The following OSGIN1 variants were observed in gnomAD, a reference collection of about 807,000 sequenced individuals.
The protein encoded by OSGIN1 is oxidative stress induced growth inhibitor 1.
OSGIN1 carries 19 observed loss-of-function variants against 20.1 expected under a neutral mutation model. The observed-to-expected ratio is 0.95, with a 90% CI of 0.66 to 1.39. OSGIN1 has a LOEUF of 1.39. OSGIN1 is among the 40% of genes most tolerant of loss of function. OSGIN1 has a pLI of 0.00. For missense variants in OSGIN1, 820 were observed against 653.0 expected, an observed-to-expected ratio of 1.26 and a Z score of -2.79; for synonymous variants, 368 against 297.8, an observed-to-expected ratio of 1.24 and a Z score of -2.43.
At chr16:83,960,257 A>T (rs896532196) in intron 3 of OSGIN1, among the ~76,000 whole-genome samples, 7 of 152,340 alleles carry the variant, frequency 4.6e-5, no homozygotes, top group African/African-American at 1.7e-4. Context: ...CGTCTGTGTT[A>T]TCTGCTGTTA....
chr16:83,959,909 A>G (rs545019632), intron 3 of OSGIN1, among the ~76,000 whole-genome samples: 2 of 152,288 alleles, frequency 1.3e-5, no homozygotes, highest in East Asian at 1.9e-4. Context: ...CAGATATTTC[A>G]GTCCCACTAC....
chr16:83,957,806 C>A, intron 2 of OSGIN1, 68 bp downstream of exon 2: 1 of 817,558 alleles, frequency 1.2e-6, no homozygotes, highest in South Asian at 1.7e-5. Flanking sequence ...GGTCTGAGGG[C>A]AGGAGCTGGG....
intron 1 of OSGIN1, chr16:83,954,360 C>A (rs1033436903): frequency 6.6e-6 from 1 of 152,216 alleles, no homozygotes; most frequent in African/African-American, 2.4e-5. Flanking sequence ...GTTTTCATTT[C>A]TTTTATCCTG....
At chr16:83,954,589 G>C (rs75742959) in intron 1 of OSGIN1, 6,124 of 162,350 alleles carry the variant, frequency 0.038, 324 homozygotes, top group African/African-American at 0.12. Context: ...ACAGCGTCAA[G>C]CTGCTTCGGA....
At chr16:83,956,247 G>T (rs1047415463) in intron 1 of OSGIN1, among the ~76,000 whole-genome samples, 1 of 152,330 alleles carries the variant, frequency 6.6e-6, no homozygotes, top group South Asian at 2.1e-4. Context: ...GTGGACGAAG[G>T]TGTTTCTGTC....
chr16:83,962,157 C>T (rs894492382), intron 5 of OSGIN1, among the ~76,000 whole-genome samples: 1 of 152,088 alleles, frequency 6.6e-6, no homozygotes, highest in Admixed American at 6.5e-5. Context: ...GCTTCCTGCC[C>T]CATCATGGCC....
At position 83,953,377 on chromosome 16, in the gene OSGIN1, G is replaced by T; in HGVS notation, c.-33+7G>T. ...CTGCACCACTGCCTGTCAGGTGAGT[G>T]TCCGGGGCCAGGTTCCGGGGCAGGG... is the stretch of plus-strand genomic sequence containing the variant. On this transcript the variant is annotated splice_region_variant and intron_variant, in intron 1 of 5. Transcript: ENST00000393306. The T allele has an allele frequency of 7.8e-7, 1 of 1,288,640 alleles. No individual in the cohort carries two copies. Among genetic ancestry groups the T allele is most frequent in the Non-Finnish European group, 1.0e-6 (1 of 988,396 alleles). 79.8% of individuals were successfully genotyped at this position (1,288,640 alleles called of 1,614,324 possible).
At chr16:83,963,305 TGTG>T (rs1048702767) in intron 5 of OSGIN1, among the ~76,000 whole-genome samples, 6 of 152,238 alleles carry the variant, frequency 3.9e-5, no homozygotes, top group African/African-American at 1.4e-4. Context: ...AAGCGTTTCA[TGTG>T]GTGAAGTCAC....
chr16:83,960,338 T>C (rs2550441), intron 3 of OSGIN1, among the ~76,000 whole-genome samples: 115,433 of 152,182 alleles, frequency 0.76, 44,122 homozygotes, highest in East Asian at 0.86. Flanking sequence ...AGGCAATCGC[T>C]CCAGTCTCAC....
chr16:83,961,000 T>A lies in OSGIN1; in HGVS notation c.416T>A (p.Val139Glu). 1 of 1,613,536 alleles carries A rather than the reference T, an allele frequency of 6.2e-7. No individual in the cohort carries two copies. Reference sequence around the variant, plus strand: ...CTGCAGTCCATCGAAGGCTCCATGGTGATCCTGAGCCAAGGCCAGTGGATG... The same window carrying A: ...CTGCAGTCCATCGAAGGCTCCATGGAGATCCTGAGCCAAGGCCAGTGGATG... The part of the protein sequence containing the change: ...GAWHSIEGSM[V>E]ILSQGQWMGL... The change falls in exon 5 of 6, where the codon GTG (valine) becomes GAG (glutamate). Residue 139 changes from valine (V) to glutamate (E), a missense_variant. Transcript: ENST00000393306.
rs1243363790 is a variant in OSGIN1, at chr16:83,953,282, C to T, written c.-121C>T. On this transcript the variant is annotated 5_prime_UTR_variant, in exon 1 of 6. Transcript: ENST00000393306. ...CACAGGGTAATGGGTGTCCCGATCT[C>T]GCGGGGGACTCTGTGATCCGTGTTC... 5.4e-6 allele frequency: 7 copies of T among 1,288,544 alleles called. No individual in the cohort carries two copies. Among genetic ancestry groups the T allele is most frequent in the Middle Eastern group, 4.2e-4 (2 of 4,706 alleles). The allele number at this position is 1,288,544 out of a possible 1,614,324, so 79.8% of individuals were successfully genotyped here. A position where few individuals can be genotyped will look rare whatever the true frequency, so the allele number is the denominator to read the frequency against.
At chr16:83,964,676 TC>T (rs2151079507) in intron 5 of OSGIN1, among the ~76,000 whole-genome samples, 1 of 152,254 alleles carries the variant, frequency 6.6e-6, no homozygotes, top group South Asian at 2.1e-4. Flanking sequence ...CACCAAATCC[TC>T]CCCACGACCT....
At chr16:83,962,366 G>A (rs1329146532) in intron 5 of OSGIN1, among the ~76,000 whole-genome samples, 1 of 152,280 alleles carries the variant, frequency 6.6e-6, no homozygotes, top group East Asian at 1.9e-4. Flanking sequence ...AGCCTCCCGA[G>A]TAGCTGGGAC....
At chr16:83,958,147 G>T (rs1909033819) in intron 2 of OSGIN1, among the ~76,000 whole-genome samples, 1 of 152,212 alleles carries the variant, frequency 6.6e-6, no homozygotes, top group Non-Finnish European at 1.5e-5. Flanking sequence ...AAAGTGCTGG[G>T]ATTATAGGTG....
Position 83,965,432 on chromosome 16 carries a change from CCT to C in OSGIN1, c.860_861del (p.Pro287ArgfsTer69). ...RVGAVTPASD[P>X]VLIIGAGLSA... ...GGGTGCGGTGACCCCGGCCTCAGAC[CCT>C]GTCCTCATCATTGGCGCGGGGCTGT... On this transcript the variant is annotated frameshift_variant, in exon 6 of 6. Coordinates refer to ENST00000393306, the MANE Select transcript of OSGIN1 (RefSeq NM_182981.3). LOFTEE classifies it low-confidence loss of function (END_TRUNC). The C allele has an allele frequency of 6.3e-7, 1 of 1,590,812 alleles. No individual in the cohort carries two copies. The highest frequency in any genetic ancestry group is 2.2e-5 in the East Asian group (1 of 44,750).
chr16:83,960,767 G>C lies in OSGIN1; in HGVS notation c.396+7G>C, dbSNP rs761791907. 7.4e-6 allele frequency: 12 copies of C among 1,611,954 alleles called. No individual in the cohort carries two copies. In the Admixed American group the frequency reaches 1.2e-4, roughly 16 times the overall value. ...CCCCGGGGGAGCCTGGCACGTGAGT[G>C]GGGCAGCGAGGGCATGGCTTGTGGG... On this transcript the variant is annotated splice_region_variant and intron_variant, in intron 4 of 5. Transcript: ENST00000393306.
In OSGIN1 at chr16:83,959,407, C is replaced by A. The variant is rs764225779; in HGVS notation, c.204+11C>A. ...TCCATCCTGGACCAGGTGGGTCAGC[C>A]TGGGGCCAGAGCTCTGGGTAGTACA... On this transcript the variant is annotated intron_variant, in intron 3 of 5. Coordinates refer to ENST00000393306, the MANE Select transcript of OSGIN1 (RefSeq NM_182981.3). 1 of 1,613,150 alleles carries A rather than the reference C, an allele frequency of 6.2e-7. No individual in the cohort carries two copies. Among genetic ancestry groups the A allele is most frequent in the East Asian group, 2.2e-5 (1 of 44,878 alleles).
chr16:83,957,975 C>G (rs572633548), intron 2 of OSGIN1, among the ~76,000 whole-genome samples: 246 of 152,264 alleles, frequency 1.6e-3, no homozygotes, highest in Non-Finnish European at 2.4e-3. Flanking sequence ...CTCCCGGGCT[C>G]AAGCGATTCT....
intron 3 of OSGIN1, among the ~76,000 whole-genome samples, chr16:83,960,068 G>C (rs538640453): frequency 5.2e-4 from 79 of 152,194 alleles, no homozygotes; most frequent in African/African-American, 1.9e-3. Flanking sequence ...TGAGGAAATA[G>C]GTCTTGACCA....
Sources: allele counts gnomAD v4.1 joint callset (sites outside exome capture counted in the v4.1 genomes callset), GRCh38; gene constraint gnomAD v4.1.1; transcripts MANE v1.5; gene names NCBI Gene and HGNC (gene_info 2026-07-23, HGNC 2026-07-21).